The following RBFOX2 variants were observed in gnomAD, a reference collection of about 807,000 sequenced individuals.
RBFOX2 encodes RNA binding fox-1 homolog 2.
Under a neutral mutation model 49.1 loss-of-function variants are expected in RBFOX2, and 10 were observed. The ratio of observed to expected loss-of-function variants is 0.20; its 90% CI spans 0.13 to 0.35. RBFOX2 has a LOEUF of 0.35. Among genes scored for constraint, RBFOX2 ranks in the 10% least tolerant of loss-of-function variants. The pLI, the probability that RBFOX2 is intolerant of heterozygous loss-of-function variation, is 1.00. For synonymous variants in RBFOX2, 183 were observed against 187.4 expected, an observed-to-expected ratio of 0.98 and a Z score of 0.19; for missense variants, 323 against 486.9, an observed-to-expected ratio of 0.66 and a Z score of 3.17.
At chr22:35,902,586 C>T (rs2048711643) in intron 1 of RBFOX2, among the ~76,000 whole-genome samples, 1 of 152,054 alleles carries the variant, frequency 6.6e-6, no homozygotes, top group African/African-American at 2.4e-5. Context: ...TCTTGCTTCT[C>T]CTCAAACCTC....
At chr22:35,896,724 G>A (rs1450670016) in intron 1 of RBFOX2, among the ~76,000 whole-genome samples, 1 of 152,180 alleles carries the variant, frequency 6.6e-6, no homozygotes, top group African/African-American at 2.4e-5. Context: ...ACTTGGAGAG[G>A]TGGGGCAGGT....
At chr22:35,801,126 A>T (rs972202937) in intron 2 of RBFOX2, among the ~76,000 whole-genome samples, 1 of 152,196 alleles carries the variant, frequency 6.6e-6, no homozygotes, top group Non-Finnish European at 1.5e-5. Flanking sequence ...TCCCAAAGGG[A>T]TATTTTATAA....
chr22:35,875,349 TACTC>T lies in RBFOX2; in HGVS notation c.-34+63494_-34+63497del, dbSNP rs372637462. On this transcript the variant is annotated intron_variant, in intron 1 of 13. Coordinates refer to the RBFOX2 transcript ENST00000359369. ...ATTACTTTTGTTTAATGGTGATTTGTACTCACTCACTCCCTCTTTACTTTTCTAT... is the reference window on the plus strand; with the variant it reads ...ATTACTTTTGTTTAATGGTGATTTGTACTCACTCCCTCTTTACTTTTCTAT... 4.6e-3 allele frequency among the ~76,000 whole-genome samples: 706 copies of T among 152,286 alleles called. 2 individuals carry two copies. The highest frequency in any genetic ancestry group is 0.016 in the African/African-American group (676 of 41,546).
chr22:35,751,565 C>A (rs1368460448), intron 9 of RBFOX2, among the ~76,000 whole-genome samples: 1 of 152,044 alleles, frequency 6.6e-6, no homozygotes, highest in Non-Finnish European at 1.5e-5. Flanking sequence ...TTTTCCTCAC[C>A]ACCTCCCCAC....
intron 1 of RBFOX2, among the ~76,000 whole-genome samples, chr22:35,972,414 G>T (rs1297462725): frequency 6.7e-6 from 1 of 148,674 alleles, no homozygotes; most frequent in Non-Finnish European, 1.5e-5. Context: ...CTGTAAAATT[G>T]ATTTTTACTA....
upstream of RBFOX2, among the ~76,000 whole-genome samples, chr22:35,941,389 G>A (rs1449030424): frequency 2.0e-5 from 3 of 152,074 alleles, no homozygotes; most frequent in African/African-American, 7.2e-5. Flanking sequence ...AGATAATATA[G>A]CAGTATACAA....
chr22:35,856,012 GAA>G (rs748498859), intron 1 of RBFOX2, among the ~76,000 whole-genome samples: 2 of 134,906 alleles, frequency 1.5e-5, no homozygotes, highest in African/African-American at 2.7e-5. Context: ...GTCTCAGGAA[GAA>G]AAAAAAAAAA....
At chr22:35,842,038 C>G (rs903759566), upstream of RBFOX2, among the ~76,000 whole-genome samples, 20 of 152,116 alleles carry the variant, frequency 1.3e-4, no homozygotes, top group East Asian at 3.8e-3. Context: ...ATTGTGAATT[C>G]AATTTTTAAA....
intron 4 of RBFOX2, chr22:35,777,761 C>G (rs1412170677): frequency 2.2e-6 from 1 of 456,056 alleles, no homozygotes; most frequent in Non-Finnish European, 3.8e-6. Flanking sequence ...ACTGTCATCT[C>G]CTACATCCTG....
chr22:35,983,585 T>C (rs2057564117), intron 1 of RBFOX2, among the ~76,000 whole-genome samples: 1 of 152,186 alleles, frequency 6.6e-6, no homozygotes, highest in Admixed American at 6.5e-5. Context: ...CACCACATTT[T>C]GCAAATGGAG....
exon 12 of RBFOX2, chr22:35,741,484 C>T (rs5755937): frequency 0.059 from 8,944 of 152,456 alleles, 344 homozygotes; most frequent in South Asian, 0.088. Context: ...GTTGACCGTA[C>T]GGAGTCTCAA....
At chr22:36,014,629 T>G (rs1399519206) in intron 1 of RBFOX2, among the ~76,000 whole-genome samples, 3 of 151,774 alleles carry the variant, frequency 2.0e-5, no homozygotes, top group Non-Finnish European at 4.4e-5. Flanking sequence ...TACACCAAAC[T>G]CAAGAAAGTC....
At chr22:35,930,123 G>A (rs1268831705) in intron 1 of RBFOX2, among the ~76,000 whole-genome samples, 1 of 149,116 alleles carries the variant, frequency 6.7e-6, no homozygotes, top group African/African-American at 2.5e-5. Flanking sequence ...CTGGGTTCAA[G>A]CGATTCTCGT....
intron 1 of RBFOX2, among the ~76,000 whole-genome samples, chr22:35,947,309 C>A (rs1487301717): frequency 6.6e-6 from 1 of 152,158 alleles, no homozygotes; most frequent in Non-Finnish European, 1.5e-5. Context: ...AACAAGCCTA[C>A]TGTGCTGCCA....
exon 5 of RBFOX2, chr22:35,768,325 T>G: frequency 1.2e-6 from 2 of 1,614,138 alleles, no homozygotes. Flanking sequence ...TCAGCACTAT[T>G]CTCGAAAGTT....
At chr22:35,761,527 G>A in intron 6 of RBFOX2, 59 bp from the exon 8 acceptor site, 2 of 1,580,474 alleles carry the variant, frequency 1.3e-6, no homozygotes, top group South Asian at 1.1e-5. Context: ...GGGATGATCA[G>A]TGCATGTCAA....
intron 5 of RBFOX2, among the ~76,000 whole-genome samples, chr22:35,765,754 T>C (rs1940749166): frequency 6.6e-6 from 1 of 152,144 alleles, no homozygotes; most frequent in African/African-American, 2.4e-5. Flanking sequence ...TGGACATCTT[T>C]TTAACAGAGA....
chr22:35,801,581 T>C (rs767488069), intron 2 of RBFOX2, among the ~76,000 whole-genome samples: 3 of 152,072 alleles, frequency 2.0e-5, no homozygotes, highest in Non-Finnish European at 2.9e-5. Context: ...TCCCAGCACT[T>C]TGGGAGGCTG....
chr22:35,760,146 G>GGT, intron 8 of RBFOX2, 126 bp from the exon 10 acceptor site: 3 of 1,269,144 alleles, frequency 2.4e-6, no homozygotes, highest in Non-Finnish European at 3.3e-6. Context: ...TTTTGGAAAA[G>GGT]GTGGCATGCA....
Sources: gnomAD v4.1 joint callset for allele counts (sites outside exome capture counted in the v4.1 genomes callset) on GRCh38, gnomAD v4.1.1 for gene constraint, MANE v1.5 for transcripts, NCBI Gene and HGNC (gene_info 2026-07-23, HGNC 2026-07-21) for gene names.